DNAH7: variants seen among roughly 807,000 people sequenced by gnomAD.
DNAH7 encodes the protein dynein axonemal heavy chain 7.
Under a neutral mutation model 444.6 loss-of-function variants are expected in DNAH7, and 397 were observed. That is an observed-to-expected ratio of 0.89 (90% CI 0.82 to 0.97). The LOEUF is 0.97. DNAH7 is among the 50% of genes least tolerant of loss of function. The pLI is 0.00. For missense variants in DNAH7, 4,902 were observed against 4,800.8 expected (o/e 1.02, Z -0.62); for synonymous variants, 1,636 against 1,624.4 (o/e 1.01, Z -0.17).
chr2:196,007,561 C>T (rs1389276563), intron 10 of DNAH7, among the ~76,000 whole-genome samples: 1 of 151,974 alleles, frequency 6.6e-6, no homozygotes, highest in Admixed American at 6.6e-5. Context: ...GTGTCTCCAC[C>T]CAAATCTCAC....
intron 13 of DNAH7, 68 bp downstream of exon 13, chr2:195,987,889 C>T (rs1693028600): frequency 7.2e-7 from 1 of 1,397,948 alleles, no homozygotes; most frequent in African/African-American, 1.4e-5. Context: ...TCTAAAAATA[C>T]ATCCTAATAA....
chr2:195,837,019 A>G (rs942385172), intron 47 of DNAH7, among the ~76,000 whole-genome samples: 1 of 152,168 alleles, frequency 6.6e-6, no homozygotes, highest in Admixed American at 6.5e-5. Context: ...CAATTCATCC[A>G]TGTTATATTT....
rs1255918325 is a variant in DNAH7 at position 195,880,998 on chromosome 2, T to G, written c.5961+797A>C. 2.6e-5 allele frequency among the ~76,000 whole-genome samples: 4 copies of G among 152,012 alleles called. No homozygotes were observed. The South Asian group carries it at 6.2e-4, about 24-fold the overall frequency. On this transcript the variant is annotated intron_variant, in intron 36 of 64. Transcript: ENST00000312428. ...TCAGCTTTCTGTACACTTTTAGTTT[T>G]TTTTTTTTTTTAATCCAGGCCAAAA...
chr2:195,766,167 A>ATTTTT (rs755912873), intron 61 of DNAH7, among the ~76,000 whole-genome samples: 826 of 57,316 alleles, frequency 0.014, 112 homozygotes, highest in African/African-American at 0.045. Context: ...GTGGGAGCTA[A>ATTTTT]TTTTTTTTTT....
At chr2:196,034,337 G>T (rs1405891979) in intron 5 of DNAH7, among the ~76,000 whole-genome samples, 1 of 152,122 alleles carries the variant, frequency 6.6e-6, no homozygotes, top group African/African-American at 2.4e-5. Flanking sequence ...AGAAGGGCAA[G>T]ATTTCTACAC....
At chr2:196,018,338 A>G (rs1695153732) in intron 9 of DNAH7, among the ~76,000 whole-genome samples, 1 of 152,130 alleles carries the variant, frequency 6.6e-6, no homozygotes, top group Admixed American at 6.5e-5. Flanking sequence ...TATAGTATCA[A>G]ACATTTCTGG....
At chr2:195,812,712 A>T (rs1191707699) in intron 51 of DNAH7, among the ~76,000 whole-genome samples, 1 of 152,214 alleles carries the variant, frequency 6.6e-6, no homozygotes, top group African/African-American at 2.4e-5. Flanking sequence ...AATGAGAAAT[A>T]ATTTTAGACC....
At chr2:195,769,766 G>A (rs1441788931) in intron 61 of DNAH7, among the ~76,000 whole-genome samples, 1 of 151,930 alleles carries the variant, frequency 6.6e-6, no homozygotes, top group East Asian at 1.9e-4. Flanking sequence ...GGTTTGCATA[G>A]ACCTGCTTGC....
intron 34 of DNAH7, 26 bp from the exon 35 acceptor site, chr2:195,884,835 A>T: frequency 6.4e-7 from 1 of 1,565,930 alleles, no homozygotes; most frequent in Non-Finnish European, 8.7e-7. Flanking sequence ...GAGAAGATTA[A>T]GAACAATTAA....
chr2:195,971,610 A>T (rs1432854453), intron 16 of DNAH7, among the ~76,000 whole-genome samples: 1 of 152,144 alleles, frequency 6.6e-6, no homozygotes, highest in African/African-American at 2.4e-5. Context: ...GCTCAGAGTG[A>T]TGGGGAGAAT....
chr2:196,034,617 C>T (rs1420437130), intron 5 of DNAH7, among the ~76,000 whole-genome samples: 1 of 152,150 alleles, frequency 6.6e-6, no homozygotes, highest in Admixed American at 6.5e-5. Context: ...CTTAAACTAT[C>T]TAATTTCAAA....
Position 195,816,768 on chromosome 2 carries a change from G to A in DNAH7, c.9621C>T (p.Ala3207=). 6.2e-7 allele frequency: 1 copy of A among 1,614,150 alleles called. No homozygotes were observed. The highest frequency in any genetic ancestry group is 8.5e-7 in the Non-Finnish European group (1 of 1,180,002). Reference sequence around the variant, plus strand: ...AAAAAAATAGGATGGAAGAATGGATGGCAATAGGACGATAGCCCATGCGGG... The same window carrying A: ...AAAAAAATAGGATGGAAGAATGGATAGCAATAGGACGATAGCCCATGCGGG... ...DTTRMGYRPI[A]IHSSILFFSL... Residue 3207 remains alanine (A), a synonymous_variant, in exon 51 of 65, where the codon GCC becomes GCT. Transcript: ENST00000312428.
chr2:195,815,522 AT>A (rs1697178181), intron 51 of DNAH7, among the ~76,000 whole-genome samples: 1 of 152,190 alleles, frequency 6.6e-6, no homozygotes, highest in Non-Finnish European at 1.5e-5. Flanking sequence ...TGAGATTAAC[AT>A]TTTGGATTTC....
chr2:195,859,872 C>T (rs1356169946), intron 42 of DNAH7, among the ~76,000 whole-genome samples: 2 of 152,110 alleles, frequency 1.3e-5, no homozygotes, highest in African/African-American at 2.4e-5. Context: ...GTGGCTAATC[C>T]CAAGTGACGC....
intron 18 of DNAH7, among the ~76,000 whole-genome samples, chr2:195,959,779 T>C (rs1690951157): frequency 6.6e-6 from 1 of 152,248 alleles, no homozygotes; most frequent in South Asian, 2.1e-4. Flanking sequence ...TTTCATTCTT[T>C]TTCACTTACT....
At chr2:195,792,759 T>C (rs1185613712) in intron 57 of DNAH7, among the ~76,000 whole-genome samples, 11 of 151,934 alleles carry the variant, frequency 7.2e-5, no homozygotes, top group Admixed American at 7.2e-4. Context: ...CCATGATATA[T>C]CTAACTTATC....
At chr2:196,022,163 C>A (rs1358788996) in intron 8 of DNAH7, among the ~76,000 whole-genome samples, 1 of 152,108 alleles carries the variant, frequency 6.6e-6, no homozygotes, top group Non-Finnish European at 1.5e-5. Flanking sequence ...TTTTAAAATA[C>A]TTTGTTGCCA....
intron 24 of DNAH7, among the ~76,000 whole-genome samples, chr2:195,910,584 C>T (rs901928669): frequency 3.3e-5 from 5 of 151,902 alleles, no homozygotes; most frequent in Admixed American, 6.6e-5. Context: ...AAATTACCAA[C>T]GAAGAGGGAA....
intron 48 of DNAH7, among the ~76,000 whole-genome samples, chr2:195,828,379 T>G (rs1292620501): frequency 6.6e-6 from 1 of 151,922 alleles, no homozygotes; most frequent in Non-Finnish European, 1.5e-5. Context: ...GGTCAGGACA[T>G]CGAGACCATC....
Sources: gnomAD v4.1 joint callset for allele counts (sites outside exome capture counted in the v4.1 genomes callset) on GRCh38, gnomAD v4.1.1 for gene constraint, MANE v1.5 for transcripts, NCBI Gene and HGNC (gene_info 2026-07-23, HGNC 2026-07-21) for gene names.